Variants in CDK14 observed in about 807,000 individuals in gnomAD.
CDK14 encodes cyclin dependent kinase 14.
A neutral mutation model predicts 60.7 loss-of-function variants in CDK14; 34 were observed. The ratio of observed to expected loss-of-function variants is 0.56; its 90% CI spans 0.43 to 0.75. The LOEUF is 0.75. Ranked by LOEUF, CDK14 falls within the 30% of genes least tolerant of loss-of-function variation. The pLI, the probability that CDK14 is intolerant of heterozygous loss-of-function variation, is 0.00. For missense variants in CDK14, 482 were observed against 564.1 expected, an observed-to-expected ratio of 0.85 and a Z score of 1.47; for synonymous variants, 197 against 203.7, an observed-to-expected ratio of 0.97 and a Z score of 0.28.
intron 2 of CDK14, among the ~76,000 whole-genome samples, chr7:90,668,696 A>ATTATTTTTTTTTTTTTTTTTTTTTTTT (rs1554431005): frequency 1.8e-4 from 12 of 68,434 alleles, no homozygotes; most frequent in Middle Eastern, 0.021. Context: ...AAGGACTCGC[A>ATTATTTTTTTTTTTTTTTTTTTTTTTT]TTCTTTTTTT....
At chr7:90,934,497 C>G (rs1293875775) in intron 8 of CDK14, among the ~76,000 whole-genome samples, 1 of 152,158 alleles carries the variant, frequency 6.6e-6, no homozygotes, top group Non-Finnish European at 1.5e-5. Flanking sequence ...GAGATGGCAG[C>G]AAAAAGGCAG....
chr7:90,939,213 T>A (rs191978979), intron 8 of CDK14, among the ~76,000 whole-genome samples: 13 of 152,298 alleles, frequency 8.5e-5, no homozygotes, highest in Non-Finnish European at 1.3e-4. Context: ...TTGGAGAAGA[T>A]AAAGGTATTA....
intron 2 of CDK14, among the ~76,000 whole-genome samples, chr7:90,665,850 T>G (rs1316110567): frequency 6.6e-6 from 1 of 151,914 alleles, no homozygotes; most frequent in Non-Finnish European, 1.5e-5. Context: ...AGTTGCTTCA[T>G]TTAGCAAATC....
At chr7:91,190,592 C>T (rs1183245511) in intron 14 of CDK14, among the ~76,000 whole-genome samples, 2 of 152,312 alleles carry the variant, frequency 1.3e-5, no homozygotes, top group East Asian at 3.9e-4. Flanking sequence ...CAGGTTCAAG[C>T]GATTGTCATG....
intron 10 of CDK14, among the ~76,000 whole-genome samples, chr7:90,984,527 A>G (rs1795322582): frequency 6.6e-6 from 1 of 152,174 alleles, no homozygotes; most frequent in Non-Finnish European, 1.5e-5. Flanking sequence ...ATAATTCCAA[A>G]TAATTGCTAT....
chr7:91,075,777 A>G (rs1362592892), intron 11 of CDK14, among the ~76,000 whole-genome samples: 2 of 152,252 alleles, frequency 1.3e-5, no homozygotes, highest in Non-Finnish European at 2.9e-5. Context: ...AAGTCTCAGC[A>G]TACAAAATCA....
intron 9 of CDK14, among the ~76,000 whole-genome samples, chr7:90,970,319 C>T (rs1315724245): frequency 6.6e-6 from 1 of 152,154 alleles, no homozygotes; most frequent in South Asian, 2.1e-4. Context: ...AGTGCATTAG[C>T]AATGATGGTA....
intron 2 of CDK14, among the ~76,000 whole-genome samples, chr7:90,649,701 A>G (rs1383834066): frequency 6.6e-6 from 1 of 151,760 alleles, no homozygotes. Context: ...GTGAGTGAGA[A>G]CATGCAGTGT....
rs191115304 is a variant in CDK14 at position 90,902,489 on chromosome 7, A to G, written c.702+3136A>G. On this transcript the variant is annotated intron_variant, in intron 7 of 14. Transcript: ENST00000380050. ...CAACTGATATTTGACAGAGGTGTCA[A>G]GGACATACTTTGGGGAAATAACATT... Among the ~76,000 whole-genome samples the G allele has an allele frequency of 3.0e-4, 45 of 152,278 alleles. 1 individual carries two copies. The highest frequency in any genetic ancestry group is 1.2e-3 in the East Asian group (6 of 5,186).
chr7:90,755,552 C>T (rs1035242318), intron 4 of CDK14, among the ~76,000 whole-genome samples: 1 of 152,138 alleles, frequency 6.6e-6, no homozygotes, highest in Non-Finnish European at 1.5e-5. Context: ...ATATCCCATA[C>T]CTCAGAATCA....
rs530957044 is a variant in CDK14, at chr7:91,163,341, C to G, written c.*29-43824C>G. 2.6e-5 allele frequency among the ~76,000 whole-genome samples: 4 copies of G among 152,266 alleles called. No individual in the cohort carries two copies. In the South Asian group the frequency reaches 8.3e-4, roughly 32 times the overall value. ...AGGAAGTGACTAGGTCCTTTAGAAT[C>G]CAGCGCAAGATTTGACAAAGCTGCT... On this transcript the variant is annotated intron_variant, in intron 14 of 14. Transcript: ENST00000380050.
At chr7:90,780,531 C>T (rs917362969) in intron 4 of CDK14, among the ~76,000 whole-genome samples, 9 of 148,740 alleles carry the variant, frequency 6.1e-5, no homozygotes, top group Admixed American at 6.7e-5. Context: ...CCCATTAACT[C>T]GTCATTTAGT....
intron 14 of CDK14, among the ~76,000 whole-genome samples, chr7:91,158,187 AATATAT>A (rs1046005555): frequency 6.8e-6 from 1 of 148,104 alleles, no homozygotes; most frequent in Non-Finnish European, 1.5e-5. Context: ...ATATACATAA[AATATAT>A]ATAATATATT....
chr7:90,958,288 C>A (rs1187172753), intron 9 of CDK14, among the ~76,000 whole-genome samples: 1 of 152,068 alleles, frequency 6.6e-6, no homozygotes, highest in Non-Finnish European at 1.5e-5. Flanking sequence ...AGGATACCTG[C>A]AACATTTTGT....
At chr7:90,710,669 A>C in intron 2 of CDK14, 1 of 448,530 alleles carries the variant, frequency 2.2e-6, no homozygotes, top group Non-Finnish European at 2.9e-6. Flanking sequence ...CTCTAATAGT[A>C]GACTATTAGC....
Position 90,596,362 on chromosome 7 carries a change from G to T in CDK14, c.-266G>T, listed in dbSNP as rs905203468. ...GAGCCGGGCGGCGGCGGCGCGGCGC[G>T]GGGCCACCACGGCGGCGGCGAGCGC... On this transcript the variant is annotated 5_prime_UTR_variant, in exon 1 of 15. Coordinates refer to ENST00000380050, the MANE Select transcript of CDK14 (RefSeq NM_001287135.2). The T allele has an allele frequency of 8.1e-5, 13 of 160,676 alleles. No individual in the cohort carries two copies. Among genetic ancestry groups the T allele is most frequent in the Non-Finnish European group, 1.5e-4 (11 of 74,412 alleles). 10.0% of individuals were successfully genotyped at this position (160,676 alleles called of 1,614,324 possible).
chr7:90,807,877 C>T (rs1031584120), intron 5 of CDK14, among the ~76,000 whole-genome samples: 3 of 151,896 alleles, frequency 2.0e-5, no homozygotes, highest in Non-Finnish European at 4.4e-5. Flanking sequence ...GATGGAAGAT[C>T]AAATGAATGA....
chr7:90,994,291 T>A, intron 10 of CDK14, among the ~76,000 whole-genome samples: 1 of 152,198 alleles, frequency 6.6e-6, no homozygotes, highest in African/African-American at 2.4e-5. Flanking sequence ...CCAAGGGTTC[T>A]TGCCATGTGG....
At chr7:90,687,758 GT>G (rs1801467979) in intron 2 of CDK14, among the ~76,000 whole-genome samples, 1 of 152,016 alleles carries the variant, frequency 6.6e-6, no homozygotes, top group Non-Finnish European at 1.5e-5. Flanking sequence ...TTTAAAACCT[GT>G]TTACATATTT....
Sources: allele counts gnomAD v4.1 joint callset (sites outside exome capture counted in the v4.1 genomes callset), GRCh38; gene constraint gnomAD v4.1.1; transcripts MANE v1.5; gene names NCBI Gene and HGNC (gene_info 2026-07-23, HGNC 2026-07-21).